KCNQ3: variants seen among roughly 807,000 people sequenced by gnomAD.
The protein encoded by KCNQ3 is potassium voltage-gated channel subfamily KQT member 3.
Under a neutral mutation model 92.5 loss-of-function variants are expected in KCNQ3, and 30 were observed. The observed-to-expected ratio is 0.32, with a 90% confidence interval of 0.24 to 0.44. KCNQ3 has a LOEUF of 0.44. Among genes scored for constraint, KCNQ3 ranks in the 20% least tolerant of loss-of-function variants. The pLI is 1.00. For synonymous variants in KCNQ3, 450 were observed against 468.8 expected, an observed-to-expected ratio of 0.96 and a Z score of 0.52; for missense variants, 913 against 1,140.3, an observed-to-expected ratio of 0.80 and a Z score of 2.87.
At chr8:132,156,911 A>AG (rs1825813349) in intron 9 of KCNQ3, among the ~76,000 whole-genome samples, 1 of 152,310 alleles carries the variant, frequency 6.6e-6, no homozygotes, top group African/African-American at 2.4e-5. Flanking sequence ...GAGGGAAGAA[A>AG]GCCATGTAAA....
At chr8:132,409,438 A>C (rs551890752) in intron 1 of KCNQ3, among the ~76,000 whole-genome samples, 2 of 151,238 alleles carry the variant, frequency 1.3e-5, no homozygotes, top group Non-Finnish European at 2.9e-5. Context: ...CACCTCCTTG[A>C]CCTAACTTCC....
chr8:132,386,926 A>G (rs1819905543), intron 1 of KCNQ3, among the ~76,000 whole-genome samples: 1 of 152,200 alleles, frequency 6.6e-6, no homozygotes, highest in Admixed American at 6.5e-5. Context: ...AAAAACAAAG[A>G]ATATCTTCAC....
chr8:132,321,796 G>A (rs1817900285), intron 1 of KCNQ3, among the ~76,000 whole-genome samples: 2 of 152,002 alleles, frequency 1.3e-5, no homozygotes, highest in South Asian at 4.1e-4. Context: ...CACCAAATAT[G>A]CCCTCTACAC....
At chr8:132,257,785 A>C (rs1425899297) in intron 1 of KCNQ3, among the ~76,000 whole-genome samples, 3 of 150,490 alleles carry the variant, frequency 2.0e-5, no homozygotes, top group African/African-American at 7.3e-5. Flanking sequence ...GAGACAGTTT[A>C]GATTTAAAAA....
At chr8:132,364,959 T>A (rs1002406785) in intron 1 of KCNQ3, among the ~76,000 whole-genome samples, 2 of 152,160 alleles carry the variant, frequency 1.3e-5, no homozygotes, top group Non-Finnish European at 2.9e-5. Context: ...GCTAACTTTA[T>A]CAGAATCATA....
chr8:132,369,117 GGTT>G, intron 1 of KCNQ3, among the ~76,000 whole-genome samples: 1 of 152,164 alleles, frequency 6.6e-6, no homozygotes, highest in East Asian at 1.9e-4. Flanking sequence ...GATTAGACTG[GGTT>G]ATGGGTTTTG....
intron 1 of KCNQ3, among the ~76,000 whole-genome samples, chr8:132,400,276 C>G (rs1022109116): frequency 6.6e-6 from 1 of 152,222 alleles, no homozygotes; most frequent in African/African-American, 2.4e-5. Flanking sequence ...CCACTTCTAA[C>G]ATTACCTGAC....
chr8:132,186,956 C>CAGACAG (rs1491162628), intron 1 of KCNQ3, among the ~76,000 whole-genome samples: 2 of 94,184 alleles, frequency 2.1e-5, no homozygotes, highest in African/African-American at 4.4e-5. Flanking sequence ...GAGAGAGAGA[C>CAGACAG]AGAGAGAGAG....
intron 9 of KCNQ3, among the ~76,000 whole-genome samples, chr8:132,154,714 A>G (rs1465165412): frequency 6.6e-6 from 1 of 152,118 alleles, no homozygotes; most frequent in South Asian, 2.1e-4. Context: ...TGGGATTCCA[A>G]CTGAGAGATG....
intron 12 of KCNQ3, among the ~76,000 whole-genome samples, chr8:132,134,612 A>AAGAC (rs1411503891): frequency 6.6e-6 from 1 of 151,682 alleles, no homozygotes; most frequent in African/African-American, 2.4e-5. Context: ...TACAGAGAGA[A>AAGAC]AGACAGAGCC....
rs1396546104 is a variant in KCNQ3 at position 132,121,372 on chromosome 8, C to T, written c.*7890G>A. Reference sequence around the variant, plus strand: ...GACTGACAAATCTGATGAAGTCCACCTATCTTTCTAAGTTGATTTTTCAGG... The same window carrying T: ...GACTGACAAATCTGATGAAGTCCACTTATCTTTCTAAGTTGATTTTTCAGG... On this transcript the variant is annotated 3_prime_UTR_variant, in exon 15 of 15. Coordinates refer to ENST00000388996, the MANE Select transcript of KCNQ3 (RefSeq NM_004519.4). The T allele has an allele frequency of 6.6e-6, 1 of 152,134 alleles. No homozygotes were observed. The highest frequency in any genetic ancestry group is 2.4e-5 in the African/African-American group (1 of 41,448). The allele number at this position is 152,134 out of a possible 1,614,324, so 9.4% of individuals were successfully genotyped here. A position where few individuals can be genotyped will look rare whatever the true frequency, so the allele number is the denominator to read the frequency against.
chr8:132,299,161 C>CATATATATAT (rs35617146), intron 1 of KCNQ3, among the ~76,000 whole-genome samples: 3 of 140,196 alleles, frequency 2.1e-5, no homozygotes, highest in African/African-American at 5.2e-5. Flanking sequence ...GCACATAGTA[C>CATATATATAT]ATATATATAT....
intron 1 of KCNQ3, among the ~76,000 whole-genome samples, chr8:132,218,462 T>C (rs1386394623): frequency 6.6e-6 from 1 of 152,212 alleles, no homozygotes; most frequent in African/African-American, 2.4e-5. Context: ...AAAAAGGATC[T>C]TCTAATAACA....
intron 1 of KCNQ3, among the ~76,000 whole-genome samples, chr8:132,342,123 T>C (rs1487162317): frequency 2.0e-5 from 3 of 152,138 alleles, no homozygotes; most frequent in Non-Finnish European, 4.4e-5. Flanking sequence ...CAGTTTTCTG[T>C]AAATGTGGAC....
intron 1 of KCNQ3, among the ~76,000 whole-genome samples, chr8:132,424,729 G>C (rs535662371): frequency 9.5e-4 from 144 of 152,362 alleles, no homozygotes; most frequent in Non-Finnish European, 1.5e-3. Flanking sequence ...CTCTAGAGGA[G>C]AGCCCTTTCT....
At chr8:132,280,893 G>T (rs781622099) in intron 1 of KCNQ3, among the ~76,000 whole-genome samples, 1 of 152,148 alleles carries the variant, frequency 6.6e-6, no homozygotes, top group South Asian at 2.1e-4. Context: ...GCTACACTGG[G>T]GCTTGTTCCA....
intron 1 of KCNQ3, among the ~76,000 whole-genome samples, chr8:132,289,716 T>C (rs73358996): frequency 0.026 from 3,915 of 152,250 alleles, 185 homozygotes; most frequent in African/African-American, 0.089. Flanking sequence ...GAGGGGATTA[T>C]TCATTCTATT....
At chr8:132,245,753 C>G (rs80180621) in intron 1 of KCNQ3, among the ~76,000 whole-genome samples, 13,883 of 152,162 alleles carry the variant, frequency 0.091, 682 homozygotes, top group South Asian at 0.19. Flanking sequence ...CTAATTCTAT[C>G]TACTGCTTGT....
In KCNQ3 at chr8:132,181,641, C is replaced by G. The variant is rs150234894; in HGVS notation, c.605-1312G>C. On this transcript the variant is annotated intron_variant, in intron 3 of 14. Transcript: ENST00000388996. ...CTGCAAAGCCCTCTGTGTTCTGGCT[C>G]CTGGGAATCTGCCAGAAGCCTGTGT... 1.3e-3 allele frequency among the ~76,000 whole-genome samples: 202 copies of G among 152,240 alleles called. 1 individual carries two copies. Among genetic ancestry groups the G allele is most frequent in the African/African-American group, 4.8e-3 (198 of 41,542 alleles).
Sources: gnomAD v4.1 joint callset for allele counts (sites outside exome capture counted in the v4.1 genomes callset) on GRCh38, gnomAD v4.1.1 for gene constraint, MANE v1.5 for transcripts, NCBI Gene and HGNC (gene_info 2026-07-23, HGNC 2026-07-21) for gene names.